The following ANXA3 variants were observed in gnomAD, a reference collection of about 807,000 sequenced individuals.
The protein encoded by ANXA3 is 35-alpha calcimedin.
A neutral mutation model predicts 48.8 loss-of-function variants in ANXA3; 46 were observed. The ratio of observed to expected loss-of-function variants is 0.94; its 90% CI spans 0.74 to 1.21. The LOEUF is 1.21. Among genes scored for constraint, ANXA3 ranks in the 50% most tolerant of loss-of-function variants. The pLI, the probability that ANXA3 is intolerant of heterozygous loss-of-function variation, is 0.00. For synonymous variants in ANXA3, 128 were observed against 134.7 expected, an observed-to-expected ratio of 0.95 and a Z score of 0.35; for missense variants, 383 against 378.6, an observed-to-expected ratio of 1.01 and a Z score of -0.10.
rs1444098398 is a variant in ANXA3 at position 78,579,054 on chromosome 4, T to G, written c.131T>G (p.Ile44Ser). Residue 44 changes from isoleucine (I) to serine (S), a missense_variant, in exon 4 of 13, where the codon ATT becomes AGT. Coordinates refer to ENST00000264908, the MANE Select transcript of ANXA3 (RefSeq NM_005139.3). Reference protein sequence around the residue: ...IGTDEKMLISILTERSNAQRQ... With the variant: ...IGTDEKMLISSLTERSNAQRQ... The stretch of plus-strand genomic sequence containing the variant: ...ACTGATGAGAAAATGCTCATCAGCA[T>G]TCTGACTGAGAGGTCAAATGCACAG... The G allele has an allele frequency of 1.2e-6, 2 of 1,612,702 alleles. No individual in the cohort carries two copies. The highest frequency in any genetic ancestry group is 3.3e-5 in the Admixed American group (2 of 60,014).
rs764845232 is a variant in ANXA3, at chr4:78,591,594, T to A, written c.454T>A (p.Phe152Ile). The change falls in exon 7 of 13, where the codon TTC becomes ATC. Residue 152 changes from phenylalanine (F) to isoleucine (I), a missense_variant. Phe to Ile is a conservative substitution (Grantham distance 21). Coordinates refer to ENST00000264908, the MANE Select transcript of ANXA3 (RefSeq NM_005139.3). ...CATTAGTTCCGAAACATCTGGTGAC[T>A]TCCGGAAAGCTCTGTTGACTTTGGC... ...DDISSETSGD[F>I]RKALLTLADG... The A allele has an allele frequency of 1.9e-6, 3 of 1,613,768 alleles. No individual in the cohort carries two copies. The East Asian group carries it at 6.7e-5, about 36-fold the overall frequency.
At chr4:78,604,248 G>A (rs1230231959) in intron 11 of ANXA3, 29 bp from the exon 12 acceptor site, 1 of 1,577,818 alleles carries the variant, frequency 6.3e-7, no homozygotes, top group East Asian at 2.3e-5. Context: ...AATGACATTT[G>A]TGTTGTGAAC....
chr4:78,553,953 A>G (rs912023253), intron 1 of ANXA3: 4 of 155,066 alleles, frequency 2.6e-5, no homozygotes, highest in African/African-American at 9.6e-5. Flanking sequence ...TTTATAACAG[A>G]CTGTAGGCTT....
At chr4:78,574,772 A>C (rs1310585397) in intron 3 of ANXA3, among the ~76,000 whole-genome samples, 2 of 152,222 alleles carry the variant, frequency 1.3e-5, no homozygotes, top group East Asian at 3.8e-4. Context: ...GAACATTTAA[A>C]TTGCCTACAA....
chr4:78,582,323 G>A (rs764142506), intron 5 of ANXA3, 33 bp downstream of exon 5: 1 of 1,461,316 alleles, frequency 6.8e-7, no homozygotes, highest in Non-Finnish European at 9.6e-7. Flanking sequence ...TTCTGCCCAG[G>A]GTTTGACCAA....
In ANXA3 at chr4:78,567,564, A is replaced by G. The variant is rs140830734; in HGVS notation, c.16-5616A>G. On this transcript the variant is annotated intron_variant, in intron 2 of 12. Coordinates refer to ENST00000264908, the MANE Select transcript of ANXA3 (RefSeq NM_005139.3). ...GAGGTGGCTTTGAATTTCAGCTTAT[A>G]TAGCATCTTCAACAAAGAACAGTAA... Among the ~76,000 whole-genome samples, 61 of 152,348 alleles carry G rather than the reference A, an allele frequency of 4.0e-4. 1 individual carries two copies. The East Asian group carries it at 0.011, about 27-fold the overall frequency.
At chr4:78,572,478 G>T (rs1722858614) in intron 2 of ANXA3, among the ~76,000 whole-genome samples, 1 of 152,164 alleles carries the variant, frequency 6.6e-6, no homozygotes, top group African/African-American at 2.4e-5. Flanking sequence ...TTCCCTGAAG[G>T]CTCAAAAGTT....
rs1371535233 is a variant in ANXA3 at position 78,601,479 on chromosome 4, G to A, written c.731-31G>A. Reference sequence around the variant, plus strand: ...TAGATTAACCCAATTTCTATTCCGTGAAGCTGAACATTATTTGCTTTTTGT... The same window carrying A: ...TAGATTAACCCAATTTCTATTCCGTAAAGCTGAACATTATTTGCTTTTTGT... On this transcript the variant is annotated intron_variant, in intron 10 of 12. Coordinates refer to ENST00000264908, the MANE Select transcript of ANXA3 (RefSeq NM_005139.3). 3.1e-6 allele frequency: 5 copies of A among 1,607,972 alleles called. No homozygotes were observed. In the East Asian group the frequency reaches 1.1e-4, roughly 36 times the overall value.
chr4:78,579,028 A>T lies in ANXA3; in HGVS notation c.105A>T (p.Gly35=). 1.9e-6 allele frequency: 3 copies of T among 1,604,172 alleles called. No individual in the cohort carries two copies. The highest frequency in any genetic ancestry group is 2.6e-6 in the Non-Finnish European group (3 of 1,171,470). The part of the protein sequence containing the change: ...EAIQKAIRGI[G]TDEKMLISIL... ...TAAAATAACTTTTGTTTCATTTAGG[A>T]ACTGATGAGAAAATGCTCATCAGCA... The change falls in exon 4 of 13, where the codon GGA becomes GGT. Residue 35 remains glycine, a splice_region_variant and synonymous_variant. Coordinates refer to ENST00000264908, the MANE Select transcript of ANXA3 (RefSeq NM_005139.3).
intron 2 of ANXA3, among the ~76,000 whole-genome samples, chr4:78,554,983 A>T (rs1722480864): frequency 1.3e-5 from 2 of 152,204 alleles, no homozygotes; most frequent in African/African-American, 2.4e-5. Context: ...AGGTGGGTGG[A>T]TCACCTAAAG....
chr4:78,575,073 T>G (rs1722919006), intron 3 of ANXA3, among the ~76,000 whole-genome samples: 1 of 152,218 alleles, frequency 6.6e-6, no homozygotes, highest in Non-Finnish European at 1.5e-5. Context: ...AAACAGTATC[T>G]TATACTGCAT....
At chr4:78,574,937 C>T (rs1213073221) in intron 3 of ANXA3, among the ~76,000 whole-genome samples, 3 of 152,196 alleles carry the variant, frequency 2.0e-5, no homozygotes, top group Admixed American at 1.3e-4. Flanking sequence ...TTTTGCCATA[C>T]TGCTCTCTGA....
At chr4:78,557,257 G>T (rs1046300776) in intron 2 of ANXA3, among the ~76,000 whole-genome samples, 1 of 152,090 alleles carries the variant, frequency 6.6e-6, no homozygotes, top group Non-Finnish European at 1.5e-5. Context: ...TCTTACTTAT[G>T]CTTGGAATCT....
intron 10 of ANXA3, 27 bp from the exon 11 acceptor site, chr4:78,601,483 C>T (rs1339766989): frequency 4.3e-6 from 7 of 1,609,882 alleles, no homozygotes; most frequent in East Asian, 2.2e-5. Context: ...TTCCGTGAAG[C>T]TGAACATTAT....
rs567053205 is a variant in ANXA3, at chr4:78,590,126, C to T, written c.404-1418C>T. ...TTATAAAGTCTCATCTAAATAATTCCAAAATTACAAAATACTTCCCCAAGT... is the reference window on the plus strand; with the variant it reads ...TTATAAAGTCTCATCTAAATAATTCTAAAATTACAAAATACTTCCCCAAGT... On this transcript the variant is annotated intron_variant, in intron 6 of 12. Transcript: ENST00000264908. Among the ~76,000 whole-genome samples, 6 of 152,182 alleles carry T rather than the reference C, an allele frequency of 3.9e-5. No homozygotes were observed. In the East Asian group the frequency reaches 1.2e-3, roughly 29 times the overall value.
Position 78,591,462 on chromosome 4 carries a change from T to G in ANXA3, c.404-82T>G, listed in dbSNP as rs188097059. ...TTATCACATACCCATTCTTTGCTAGTGTTGGCATTTAAACTTTTCTCTGTT... is the reference window on the plus strand; with the variant it reads ...TTATCACATACCCATTCTTTGCTAGGGTTGGCATTTAAACTTTTCTCTGTT... On this transcript the variant is annotated intron_variant, in intron 6 of 12. Transcript: ENST00000264908. 642 of 878,412 alleles carry G rather than the reference T, an allele frequency of 7.3e-4. 3 individuals are homozygous for G. The African/African-American group carries it at 9.3e-3, about 13-fold the overall frequency. The allele number at this position is 878,412 out of a possible 1,614,324, so 54.4% of individuals were successfully genotyped here.
At chr4:78,560,258 C>G (rs186072364) in intron 2 of ANXA3, among the ~76,000 whole-genome samples, 2 of 152,208 alleles carry the variant, frequency 1.3e-5, no homozygotes, top group Admixed American at 1.3e-4. Flanking sequence ...GTTCAGTCCT[C>G]TGCAAAACTG....
chr4:78,587,330 A>G (rs1050466905), intron 6 of ANXA3, among the ~76,000 whole-genome samples: 1 of 152,216 alleles, frequency 6.6e-6, no homozygotes, highest in Non-Finnish European at 1.5e-5. Flanking sequence ...TTTTAATCAT[A>G]TGGTTGATCT....
chr4:78,567,110 C>T (rs1290863748), intron 2 of ANXA3, among the ~76,000 whole-genome samples: 1 of 152,208 alleles, frequency 6.6e-6, no homozygotes, highest in African/African-American at 2.4e-5. Flanking sequence ...GCCAGTGGCA[C>T]TTCTAGGTGA....
Sources: gnomAD v4.1 joint callset for allele counts (sites outside exome capture counted in the v4.1 genomes callset) on GRCh38, gnomAD v4.1.1 for gene constraint, MANE v1.5 for transcripts, NCBI Gene and HGNC (gene_info 2026-07-23, HGNC 2026-07-21) for gene names.